The following ACER1 variants were observed in gnomAD, a reference collection of about 807,000 sequenced individuals.
ACER1 encodes CTB-180A7.3.
In ACER1, 28 loss-of-function variants were observed where a neutral mutation model predicts 24.9. That is an observed-to-expected ratio of 1.13 (90% CI 0.83 to 1.54). ACER1 has a LOEUF of 1.54. ACER1 is among the 40% of genes most tolerant of loss of function. The pLI, the probability that ACER1 is intolerant of heterozygous loss-of-function variation, is 0.00. For synonymous variants in ACER1, 132 were observed against 131.4 expected, an observed-to-expected ratio of 1.00 and a Z score of -0.03; for missense variants, 352 against 349.3, an observed-to-expected ratio of 1.01 and a Z score of -0.06.
the ACER1 span, among the ~76,000 whole-genome samples, chr19:6,338,714 A>C: frequency 1.3e-5 from 2 of 152,096 alleles, no homozygotes; most frequent in African/African-American, 4.8e-5. Flanking sequence ...TAGCCTCCCA[A>C]GTAGCTGGGA....
intron 3 of ACER1, among the ~76,000 whole-genome samples, chr19:6,310,352 G>A (rs1318752012): frequency 1.3e-5 from 2 of 152,010 alleles, no homozygotes; most frequent in Non-Finnish European, 2.9e-5. Flanking sequence ...CTCCCAAAGT[G>A]CTAGGATTAC....
chr19:6,307,300 G>A lies in ACER1; in HGVS notation c.489-10C>T. 6.2e-7 allele frequency: 1 copy of A among 1,613,618 alleles called. No homozygotes were observed. On this transcript the variant is annotated splice_polypyrimidine_tract_variant and intron_variant, in intron 4 of 5. Transcript: ENST00000301452. ...CTCCTTATTGCTGGTCCTAGAGAGG[G>A]GAGAGGGGGACCAGGGGCTGGCTCG...
the ACER1 span, among the ~76,000 whole-genome samples, chr19:6,339,782 C>T: frequency 6.6e-6 from 1 of 152,042 alleles, no homozygotes; most frequent in African/African-American, 2.4e-5. Context: ...ATTCTCCTGC[C>T]TCAGCCTCCC....
the ACER1 span, among the ~76,000 whole-genome samples, chr19:6,347,070 T>C: frequency 0.053 from 6,929 of 130,196 alleles, 314 homozygotes; most frequent in African/African-American, 0.13. Flanking sequence ...GAGACCACCC[T>C]GGCCAACACC....
the ACER1 span, among the ~76,000 whole-genome samples, chr19:6,349,766 T>C: frequency 0.027 from 4,156 of 152,062 alleles, 201 homozygotes; most frequent in African/African-American, 0.095. Context: ...CTGAAGGTGA[T>C]CCTAAACATG....
At chr19:6,313,243 C>T (rs745729345) in intron 1 of ACER1, among the ~76,000 whole-genome samples, 13 of 152,208 alleles carry the variant, frequency 8.5e-5, no homozygotes, top group Admixed American at 5.2e-4. Flanking sequence ...CTCAGCCTCC[C>T]GAGTAGCTGG....
At chr19:6,352,931 C>T in the ACER1 span, among the ~76,000 whole-genome samples, 1 of 152,174 alleles carries the variant, frequency 6.6e-6, no homozygotes, top group Admixed American at 6.5e-5. Flanking sequence ...GGAGTGATAA[C>T]CAAAAACCAG....
chr19:6,358,490 A>C, the ACER1 span, among the ~76,000 whole-genome samples: 1 of 152,028 alleles, frequency 6.6e-6, no homozygotes, highest in Non-Finnish European at 1.5e-5. Flanking sequence ...ACCCAGCATC[A>C]AGTTTAAGAG....
At chr19:6,325,017 T>C (rs77901925) in intron 1 of ACER1, among the ~76,000 whole-genome samples, 18,571 of 152,002 alleles carry the variant, frequency 0.12, 1,440 homozygotes, top group East Asian at 0.38. Context: ...AGCCCACACC[T>C]GGACCTCTTC....
upstream of ACER1, among the ~76,000 whole-genome samples, chr19:6,336,815 G>A (rs370575331): frequency 6.1e-3 from 640 of 104,824 alleles, 1 homozygote; most frequent in Middle Eastern, 0.026. Context: ...TCGAGACCCC[G>A]ACTCAAAAAA....
At chr19:6,355,140 G>A in the ACER1 span, among the ~76,000 whole-genome samples, 1 of 152,108 alleles carries the variant, frequency 6.6e-6, no homozygotes, top group African/African-American at 2.4e-5. Context: ...TGGTGCCCAG[G>A]CTGGAGTGCA....
At chr19:6,339,637 A>G in the ACER1 span, among the ~76,000 whole-genome samples, 1 of 152,072 alleles carries the variant, frequency 6.6e-6, no homozygotes, top group Non-Finnish European at 1.5e-5. Flanking sequence ...TTTTACCACA[A>G]TTTTACAAAG....
intron 1 of ACER1, 123 bp downstream of exon 1, chr19:6,333,336 T>G: frequency 1.4e-6 from 1 of 720,000 alleles, no homozygotes; most frequent in Non-Finnish European, 2.2e-6. Flanking sequence ...GGCTAACAGA[T>G]GAGAAAACTA....
At chr19:6,339,956 C>T in the ACER1 span, among the ~76,000 whole-genome samples, 7 of 151,588 alleles carry the variant, frequency 4.6e-5, no homozygotes, top group South Asian at 6.3e-4. Context: ...TGAGCCACCA[C>T]GCCTGGCCTG....
At chr19:6,350,194 G>T in the ACER1 span, among the ~76,000 whole-genome samples, 1 of 151,276 alleles carries the variant, frequency 6.6e-6, no homozygotes, top group Non-Finnish European at 1.5e-5. Context: ...GGGTCCGGGC[G>T]TGGTGGCTCA....
the ACER1 span, among the ~76,000 whole-genome samples, chr19:6,339,435 G>A: frequency 6.6e-6 from 1 of 151,984 alleles, no homozygotes; most frequent in African/African-American, 2.4e-5. Context: ...GAGACAGGAA[G>A]TAGAACGGGG....
At chr19:6,338,973 G>T in the ACER1 span, among the ~76,000 whole-genome samples, 1 of 151,554 alleles carries the variant, frequency 6.6e-6, no homozygotes, top group East Asian at 1.9e-4. Flanking sequence ...CGCCTCCTGG[G>T]TTCAAATGAT....
At chr19:6,328,761 G>C (rs1359330761) in intron 1 of ACER1, among the ~76,000 whole-genome samples, 1 of 151,896 alleles carries the variant, frequency 6.6e-6, no homozygotes, top group Admixed American at 6.6e-5. Flanking sequence ...CCACCTCCCA[G>C]GTTCAAGCAA....
At chr19:6,313,981 T>C (rs1451968993) in intron 1 of ACER1, among the ~76,000 whole-genome samples, 10 of 152,028 alleles carry the variant, frequency 6.6e-5, no homozygotes, top group African/African-American at 2.2e-4. Context: ...AAACTTCAGG[T>C]GATGGCCGGG....
Sources: allele counts gnomAD v4.1 joint callset (sites outside exome capture counted in the v4.1 genomes callset), GRCh38; gene constraint gnomAD v4.1.1; transcripts MANE v1.5; gene names NCBI Gene and HGNC (gene_info 2026-07-23, HGNC 2026-07-21).